DAB1: variants seen among roughly 807,000 people sequenced by gnomAD.
DAB1 encodes DAB adaptor protein 1.
In DAB1, 15 loss-of-function variants were observed where a neutral mutation model predicts 64.6. The ratio of observed to expected loss-of-function variants is 0.23; its 90% CI spans 0.16 to 0.36. DAB1 has a LOEUF of 0.36. Among genes scored for constraint, DAB1 ranks in the 10% least tolerant of loss-of-function variants. DAB1 has a pLI of 1.00. For synonymous variants in DAB1, 235 were observed against 251.9 expected, an observed-to-expected ratio of 0.93 and a Z score of 0.64; for missense variants, 596 against 706.7, an observed-to-expected ratio of 0.84 and a Z score of 1.78.
intron 4 of DAB1, among the ~76,000 whole-genome samples, chr1:57,130,123 T>C (rs1380496771): frequency 2.0e-5 from 3 of 151,708 alleles, no homozygotes; most frequent in Non-Finnish European, 4.4e-5. Flanking sequence ...AAGCAGAAGA[T>C]GAAGTAGGGA....
At chr1:57,766,181 C>T (rs1347732501) in intron 6 of DAB1, among the ~76,000 whole-genome samples, 1 of 151,836 alleles carries the variant, frequency 6.6e-6, no homozygotes, top group African/African-American at 2.4e-5. Context: ...CATCTCTTGC[C>T]TAGATTGTTA....
At chr1:58,175,246 C>A (rs1656403034) in intron 4 of DAB1, among the ~76,000 whole-genome samples, 1 of 152,178 alleles carries the variant, frequency 6.6e-6, no homozygotes, top group Non-Finnish European at 1.5e-5. Context: ...TCCGGATGCA[C>A]CACCTTTAAG....
intron 2 of DAB1, among the ~76,000 whole-genome samples, chr1:57,216,134 C>A (rs1003490015): frequency 6.6e-6 from 1 of 151,894 alleles, no homozygotes; most frequent in Non-Finnish European, 1.5e-5. Flanking sequence ...TACTCAGTGA[C>A]AAATCATGGC....
intron 3 of DAB1, among the ~76,000 whole-genome samples, chr1:58,433,353 T>G (rs1027545052): frequency 3.3e-5 from 5 of 152,072 alleles, no homozygotes; most frequent in Non-Finnish European, 5.9e-5. Flanking sequence ...GGATGACATT[T>G]GAGAAGAGAT....
rs750502086 is a variant in DAB1, at chr1:57,023,524, G to T, written c.895+7C>A. The T allele has an allele frequency of 1.9e-6, 3 of 1,541,316 alleles. No homozygotes were observed. Among genetic ancestry groups the T allele is most frequent in the Admixed American group, 1.7e-5 (1 of 57,692 alleles). On this transcript the variant is annotated splice_region_variant and intron_variant, in intron 11 of 14. Transcript: ENST00000371236. The stretch of plus-strand genomic sequence containing the variant: ...AAAGGAAGGGAAGCTGGTGGAAGAG[G>T]GCTTACCTGAGGGTACAGCAGCAGT...
At chr1:57,695,313 A>AAAGG (rs1646815608) in intron 6 of DAB1, among the ~76,000 whole-genome samples, 1 of 107,568 alleles carries the variant, frequency 9.3e-6, no homozygotes, top group Non-Finnish European at 1.9e-5. Flanking sequence ...AGAAAGAAAG[A>AAAGG]AAGAAAGAAA....
At chr1:57,015,603 C>G (rs1646404343) in intron 11 of DAB1, among the ~76,000 whole-genome samples, 172 bp from the exon 12 acceptor site, 3 of 152,208 alleles carry the variant, frequency 2.0e-5, no homozygotes, top group Admixed American at 1.3e-4. Context: ...GTCATAGAGC[C>G]TATATCCTAG....
chr1:57,115,419 CAT>C (rs1656024259), intron 4 of DAB1, among the ~76,000 whole-genome samples: 1 of 152,170 alleles, frequency 6.6e-6, no homozygotes, highest in East Asian at 1.9e-4. Flanking sequence ...CAGAGTGAGA[CAT>C]ACTCTAGAAC....
chr1:58,252,569 A>G (rs905381203), intron 4 of DAB1, among the ~76,000 whole-genome samples: 2 of 152,226 alleles, frequency 1.3e-5, no homozygotes, highest in African/African-American at 2.4e-5. Flanking sequence ...CGGCTGAGAC[A>G]CGTGATAATT....
intron 3 of DAB1, among the ~76,000 whole-genome samples, chr1:58,457,005 C>A (rs1645198496): frequency 6.6e-6 from 1 of 152,108 alleles, no homozygotes; most frequent in South Asian, 2.1e-4. Flanking sequence ...AGGAGCAGAG[C>A]CAGGGTTTAA....
chr1:57,347,368 C>T (rs999827338), intron 1 of DAB1, among the ~76,000 whole-genome samples: 54 of 152,216 alleles, frequency 3.5e-4, no homozygotes, highest in African/African-American at 1.3e-3. Flanking sequence ...CCATTTTTCT[C>T]ACCCAATATA....
At chr1:57,336,449 G>A (rs1677084023) in intron 1 of DAB1, among the ~76,000 whole-genome samples, 1 of 152,190 alleles carries the variant, frequency 6.6e-6, no homozygotes, top group Non-Finnish European at 1.5e-5. Context: ...TGCAGCCCAA[G>A]TATGCTAATG....
chr1:58,540,559 C>T (rs1052032437), intron 1 of DAB1, among the ~76,000 whole-genome samples: 1 of 149,862 alleles, frequency 6.7e-6, no homozygotes. Context: ...CTTTAAAAGA[C>T]CTAAACTTTT....
At chr1:58,214,972 C>T (rs1364731079) in intron 4 of DAB1, among the ~76,000 whole-genome samples, 1 of 152,154 alleles carries the variant, frequency 6.6e-6, no homozygotes, top group African/African-American at 2.4e-5. Context: ...TCAGCATGGG[C>T]AGGTTTCAGA....
At chr1:57,350,993 T>C (rs1042319316) in intron 1 of DAB1, among the ~76,000 whole-genome samples, 1 of 152,138 alleles carries the variant, frequency 6.6e-6, no homozygotes, top group African/African-American at 2.4e-5. Context: ...GAGAGACACA[T>C]TGAGGTAGTC....
chr1:57,461,891 A>T (rs1169629284), intron 7 of DAB1, among the ~76,000 whole-genome samples: 2 of 151,312 alleles, frequency 1.3e-5, no homozygotes, highest in Non-Finnish European at 2.9e-5. Context: ...GCTCTTTGCT[A>T]AGGGGAGGTG....
At chr1:58,508,384 C>A (rs182902394) in intron 2 of DAB1, among the ~76,000 whole-genome samples, 2 of 152,158 alleles carry the variant, frequency 1.3e-5, no homozygotes, top group Non-Finnish European at 2.9e-5. Context: ...CCCACATGAA[C>A]ACACTGATTC....
intron 5 of DAB1, among the ~76,000 whole-genome samples, chr1:57,917,102 C>A (rs1467606205): frequency 6.6e-6 from 1 of 152,106 alleles, no homozygotes; most frequent in African/African-American, 2.4e-5. Context: ...AAGGAATGGC[C>A]CCTGTCAGCG....
chr1:57,750,956 T>C lies in DAB1; in HGVS notation n.552-101291A>G, dbSNP rs528880127. ...GACTCTAGGGCTGCTTTTAACATTT[T>C]GATCATATTTCTATTCCCACCCCAG... On this transcript the variant is annotated intron_variant and non_coding_transcript_variant, in intron 6 of 20. Transcript: ENST00000485760. 1.4e-3 allele frequency among the ~76,000 whole-genome samples: 212 copies of C among 152,334 alleles called. 1 individual carries two copies. Among genetic ancestry groups the C allele is most frequent in the African/African-American group, 5.0e-3 (206 of 41,588 alleles).
Sources: allele counts gnomAD v4.1 joint callset (sites outside exome capture counted in the v4.1 genomes callset), GRCh38; gene constraint gnomAD v4.1.1; transcripts MANE v1.5; gene names NCBI Gene and HGNC (gene_info 2026-07-23, HGNC 2026-07-21).